The following CACNA2D2 variants were observed in gnomAD, a reference collection of about 807,000 sequenced individuals.
CACNA2D2 encodes the protein calcium voltage-gated channel auxiliary subunit alpha2delta 2, also known as voltage-dependent calcium channel subunit alpha-2/delta-2.
Under a neutral mutation model 166.4 loss-of-function variants are expected in CACNA2D2, and 48 were observed. The ratio of observed to expected loss-of-function variants is 0.29; its 90% CI spans 0.23 to 0.37. CACNA2D2 has a LOEUF of 0.37. Among genes scored for constraint, CACNA2D2 ranks in the 10% least tolerant of loss-of-function variants. The pLI, the probability that CACNA2D2 is intolerant of heterozygous loss-of-function variation, is 1.00. For synonymous variants in CACNA2D2, 561 were observed against 573.7 expected, an observed-to-expected ratio of 0.98 and a Z score of 0.32; for missense variants, 1,122 against 1,433.0, an observed-to-expected ratio of 0.78 and a Z score of 3.50.
chr3:50,459,909 C>T (rs1045252178), intron 2 of CACNA2D2, among the ~76,000 whole-genome samples: 3 of 152,058 alleles, frequency 2.0e-5, no homozygotes, highest in African/African-American at 7.3e-5. Context: ...TGCCTTCTCA[C>T]CCTGCAGCCT....
chr3:50,480,660 G>A (rs1360987130), intron 1 of CACNA2D2, among the ~76,000 whole-genome samples: 1 of 150,846 alleles, frequency 6.6e-6, no homozygotes, highest in African/African-American at 2.4e-5. Flanking sequence ...GACATCATCT[G>A]TGCGTGGGGT....
chr3:50,473,200 C>T (rs1488103048), intron 2 of CACNA2D2, among the ~76,000 whole-genome samples: 1 of 152,208 alleles, frequency 6.6e-6, no homozygotes, highest in Non-Finnish European at 1.5e-5. Context: ...AGAAGTATGC[C>T]ACAGTTTCAA....
At chr3:50,488,693 T>C (rs1278536411) in intron 1 of CACNA2D2, among the ~76,000 whole-genome samples, 1 of 149,696 alleles carries the variant, frequency 6.7e-6, no homozygotes, top group Non-Finnish European at 1.5e-5. Flanking sequence ...TTCCTGGTGT[T>C]TTTTTTTTGT....
chr3:50,406,291 T>C (rs910013100), intron 3 of CACNA2D2, among the ~76,000 whole-genome samples: 5 of 151,836 alleles, frequency 3.3e-5, no homozygotes, highest in Admixed American at 2.6e-4. Context: ...TTGCATCTCA[T>C]TACCCAGAAG....
chr3:50,433,275 C>A (rs1033917555), intron 3 of CACNA2D2, among the ~76,000 whole-genome samples: 1 of 152,188 alleles, frequency 6.6e-6, no homozygotes, highest in Non-Finnish European at 1.5e-5. Context: ...TTGTAACTGA[C>A]TTCTTTCACT....
chr3:50,385,590 A>G (rs587662538), intron 5 of CACNA2D2, among the ~76,000 whole-genome samples: 1 of 142,184 alleles, frequency 7.0e-6, no homozygotes, highest in Admixed American at 6.8e-5. Context: ...GGCCTGTGGC[A>G]GACACTCTTT....
intron 3 of CACNA2D2, among the ~76,000 whole-genome samples, chr3:50,424,243 G>A (rs2106850910): frequency 6.6e-6 from 1 of 152,332 alleles, no homozygotes; most frequent in Middle Eastern, 3.4e-3. Context: ...ACCTGCCTAA[G>A]AGGGACCCTT....
At chr3:50,414,600 G>C (rs1267707508) in intron 3 of CACNA2D2, among the ~76,000 whole-genome samples, 4 of 152,184 alleles carry the variant, frequency 2.6e-5, no homozygotes, top group African/African-American at 9.7e-5. Context: ...TGCCTGCCTA[G>C]CCCTGTTGAC....
intron 3 of CACNA2D2, among the ~76,000 whole-genome samples, chr3:50,403,937 C>G (rs1055586771): frequency 1.3e-5 from 2 of 152,214 alleles, no homozygotes; most frequent in African/African-American, 4.8e-5. Flanking sequence ...CTGCATGTGC[C>G]TGATTCCCTC....
rs770876898 is a variant in CACNA2D2 at position 50,379,846 on chromosome 3, C to A, written c.894-22G>T. ...ACTCCTGGAGAGGTCAGGCAGGGGA[C>A]GTGGAGGAGCCAGGGGAACCTCACG... On this transcript the variant is annotated intron_variant, in intron 9 of 37. Transcript: ENST00000424201. The surrounding 1 kb of genome is among the most constrained non-coding windows in gnomAD (Gnocchi z 6.5). 1 of 1,613,182 alleles carries A rather than the reference C, an allele frequency of 6.2e-7. No homozygotes were observed. The highest frequency in any genetic ancestry group is 1.7e-4 in the Middle Eastern group (1 of 6,060).
chr3:50,415,949 G>C (rs549946368), intron 3 of CACNA2D2: 2 of 152,388 alleles, frequency 1.3e-5, no homozygotes, highest in East Asian at 3.9e-4. Context: ...ACAATTAATG[G>C]TTTTCAACTT....
intron 1 of CACNA2D2, among the ~76,000 whole-genome samples, chr3:50,483,679 G>T (rs1189944428): frequency 6.6e-6 from 1 of 152,152 alleles, no homozygotes; most frequent in Non-Finnish European, 1.5e-5. Flanking sequence ...TACCCAGGTG[G>T]CCCACTCGGC....
At chr3:50,373,279 GAGC>G (rs1704755205) in intron 22 of CACNA2D2, among the ~76,000 whole-genome samples, 1 of 150,720 alleles carries the variant, frequency 6.6e-6, no homozygotes, top group South Asian at 2.1e-4. Context: ...GAGAAAGAGA[GAGC>G]AAGAAAACTC....
chr3:50,422,257 C>T (rs982581456), intron 3 of CACNA2D2, among the ~76,000 whole-genome samples: 8 of 152,152 alleles, frequency 5.3e-5, no homozygotes, highest in Non-Finnish European at 8.8e-5. Context: ...TAACTGCCCA[C>T]CCCAGTTCAG....
At chr3:50,448,459 C>T (rs1248782537) in intron 2 of CACNA2D2, among the ~76,000 whole-genome samples, 3 of 152,142 alleles carry the variant, frequency 2.0e-5, no homozygotes, top group African/African-American at 4.8e-5. Context: ...ACATAGGAAG[C>T]GTGATGGTGC....
intron 3 of CACNA2D2, among the ~76,000 whole-genome samples, chr3:50,429,538 G>C (rs536331813): frequency 1.3e-4 from 19 of 145,698 alleles, no homozygotes; most frequent in African/African-American, 4.8e-4. Context: ...GGATCACGAG[G>C]TCAGGAGATC....
intron 6 of CACNA2D2, among the ~76,000 whole-genome samples, chr3:50,382,308 G>A (rs1705363562): frequency 6.6e-6 from 1 of 152,150 alleles, no homozygotes; most frequent in Admixed American, 6.5e-5. Context: ...ACCCCGTACA[G>A]GGATCCCCAT....
At chr3:50,433,906 G>C (rs1708189838) in intron 3 of CACNA2D2, among the ~76,000 whole-genome samples, 2 of 152,172 alleles carry the variant, frequency 1.3e-5, no homozygotes, top group African/African-American at 4.8e-5. Context: ...CCCTCCAAGA[G>C]AGCCTGCAGC....
At chr3:50,407,686 A>G (rs1470165750) in intron 3 of CACNA2D2, among the ~76,000 whole-genome samples, 1 of 152,240 alleles carries the variant, frequency 6.6e-6, no homozygotes, top group Non-Finnish European at 1.5e-5. Flanking sequence ...TCCCAGCCTC[A>G]TAAGACTGTG....
Sources: allele counts gnomAD v4.1 joint callset (sites outside exome capture counted in the v4.1 genomes callset), GRCh38; gene constraint gnomAD v4.1.1; non-coding constraint Gnocchi (gnomAD v3.1); transcripts MANE v1.5; gene names NCBI Gene and HGNC (gene_info 2026-07-23, HGNC 2026-07-21).